ECHDC2: variants seen among roughly 807,000 people sequenced by gnomAD.
ECHDC2 encodes the protein enoyl-CoA hydratase domain-containing protein 2, mitochondrial.
Under a neutral mutation model 40.6 loss-of-function variants are expected in ECHDC2, and 34 were observed. That is an observed-to-expected ratio of 0.84 (90% CI 0.64 to 1.11). The LOEUF (loss-of-function observed/expected upper bound fraction) is 1.11. Among genes scored for constraint, ECHDC2 ranks in the 50% most tolerant of loss-of-function variants. The pLI, the probability that ECHDC2 is intolerant of heterozygous loss-of-function variation, is 0.00. For synonymous variants in ECHDC2, 162 were observed against 166.6 expected (o/e 0.97, Z 0.21); for missense variants, 392 against 400.7 (o/e 0.98, Z 0.19).
rs1316943526 is a variant in ECHDC2, at chr1:52,897,001, G to A, written c.802-404C>T. On this transcript the variant is annotated intron_variant, in intron 9 of 9. Coordinates refer to ENST00000371522, the MANE Select transcript of ECHDC2 (RefSeq NM_001198961.2). ...AGGAGTATTTTGGATATCTGTTAAC[G>A]TGGAGATTAGCATTTTTTACTCACC... 1.2e-4 allele frequency: 35 copies of A among 285,980 alleles called. No individual in the cohort carries two copies. In the Admixed American group the frequency reaches 1.4e-3, roughly 11 times the overall value. The allele number at this position is 285,980 out of a possible 1,614,324, so 17.7% of individuals were successfully genotyped here. A position where few individuals can be genotyped will look rare whatever the true frequency, so the allele number is the denominator to read the frequency against.
chr1:52,900,531 C>T (rs1646923620), intron 7 of ECHDC2: 1 of 152,086 alleles, frequency 6.6e-6, no homozygotes, highest in Admixed American at 6.5e-5. Flanking sequence ...ATTTCTTGTC[C>T]TCTAAGCCAT....
chr1:52,901,953 TATA>T (rs1206824612), intron 7 of ECHDC2: 1 of 151,952 alleles, frequency 6.6e-6, no homozygotes, highest in Non-Finnish European at 1.5e-5. Flanking sequence ...TCTAACCAAG[TATA>T]ATAGAAACTT....
At chr1:52,905,124 C>G (rs1647437847) in intron 5 of ECHDC2, 34 bp from the exon 6 acceptor site, 8 of 1,610,688 alleles carry the variant, frequency 5.0e-6, no homozygotes, top group Non-Finnish European at 5.9e-6. Context: ...GCCTCCCTCC[C>G]CCATCCGGTC....
intron 3 of ECHDC2, among the ~76,000 whole-genome samples, chr1:52,909,294 C>T (rs1648794587): frequency 6.6e-6 from 1 of 152,128 alleles, no homozygotes; most frequent in Non-Finnish European, 1.5e-5. Context: ...GATACAGTCC[C>T]TCCTTATCCG....
chr1:52,904,374 C>T (rs896422316), intron 7 of ECHDC2, among the ~76,000 whole-genome samples: 6 of 152,198 alleles, frequency 3.9e-5, no homozygotes, highest in African/African-American at 1.4e-4. Flanking sequence ...AAGTATAGAA[C>T]ATTTATCTCA....
chr1:52,907,638 C>A, intron 4 of ECHDC2: 1 of 493,024 alleles, frequency 2.0e-6, no homozygotes, highest in South Asian at 3.5e-5. Flanking sequence ...TTGGAATGGC[C>A]AGGCTTGAAC....
intron 7 of ECHDC2, chr1:52,900,391 G>A (rs796106566): frequency 1.5e-4 from 23 of 152,232 alleles, no homozygotes; most frequent in African/African-American, 5.5e-4. Context: ...TTTTATAAAC[G>A]AAGGTTTATA....
At position 52,904,742 on chromosome 1, in the gene ECHDC2, G is replaced by C. The variant is rs200285963; in HGVS notation, c.606C>G (p.His202Gln). 2 of 1,612,910 alleles carry C rather than the reference G, an allele frequency of 1.2e-6. No individual in the cohort carries two copies. The highest frequency in any genetic ancestry group is 2.2e-5 in the South Asian group (2 of 91,084). ...TGRRLSGTEA[H>Q]VLGLVNHAVA... ...CAGCGTGATTCACCAGCCCCAGTAC[G>C]TGGGCCTCAGTTCCACTCAGTCGTC... Residue 202 changes from histidine (H) to glutamine (Q), a missense_variant, in exon 7 of 10, where the codon CAC becomes CAG. Transcript: ENST00000371522.
At chr1:52,902,017 T>A (rs1170482347) in intron 7 of ECHDC2, 2 of 107,348 alleles carry the variant, frequency 1.9e-5, no homozygotes, top group Non-Finnish European at 3.8e-5. Flanking sequence ...CATTTATATA[T>A]GATGAAGCTT....
At chr1:52,897,685 AGAG>A in intron 8 of ECHDC2, 1 of 623,744 alleles carries the variant, frequency 1.6e-6, no homozygotes, top group South Asian at 1.8e-5. Context: ...ACATTTTGCC[AGAG>A]AAGAGGAGTT....
At position 52,920,597 on chromosome 1, in the gene ECHDC2, A is replaced by G. The variant is rs1454345487; in HGVS notation, c.121+956T>C. On this transcript the variant is annotated intron_variant, in intron 1 of 9. Transcript: ENST00000371522. The stretch of plus-strand genomic sequence containing the variant: ...GAATTAAGAAATCTGGCAAAAAGTA[A>G]GCTGTTCCCTGTGCCTAAGGAGATG... The G allele has an allele frequency of 6.2e-6, 7 of 1,136,460 alleles. No individual in the cohort carries two copies. The East Asian group carries it at 1.6e-4, about 27-fold the overall frequency. The allele number at this position is 1,136,460 out of a possible 1,614,324, so 70.4% of individuals were successfully genotyped here. A position where few individuals can be genotyped will look rare whatever the true frequency, so the allele number is the denominator to read the frequency against.
At chr1:52,905,328 A>C in intron 5 of ECHDC2, 1 of 560,210 alleles carries the variant, frequency 1.8e-6, no homozygotes, top group Non-Finnish European at 3.2e-6. Context: ...AGCAAGTCTC[A>C]CCCTTCCCAA....
At position 52,904,795 on chromosome 1, in the gene ECHDC2, G is replaced by A. The variant is rs1331117588; in HGVS notation, c.553C>T (p.Leu185=). 1.9e-6 allele frequency: 3 copies of A among 1,613,122 alleles called. No homozygotes were observed. Residue 185 remains leucine, a synonymous_variant, in exon 7 of 10, where the codon CTG becomes TTG. Transcript: ENST00000371522. Reference sequence around the variant, plus strand: ...CCCGTGAAGATGAGCTCCTTCGCCAGGGCCACCCCCAGACAACGGGGCAGC... The same window carrying A: ...CCCGTGAAGATGAGCTCCTTCGCCAAGGCCACCCCCAGACAACGGGGCAGC... The part of the protein sequence containing the change: ...QRLPRCLGVA[L]AKELIFTGRR...
At chr1:52,911,506 A>G in intron 3 of ECHDC2, 60 bp downstream of exon 3, 1 of 1,536,422 alleles carries the variant, frequency 6.5e-7, no homozygotes, top group Non-Finnish European at 9.0e-7. Flanking sequence ...GTTTCCCCCA[A>G]CCCCTGGAGG....
At chr1:52,921,487 C>G in intron 1 of ECHDC2, 66 bp downstream of exon 1, 4 of 1,536,082 alleles carry the variant, frequency 2.6e-6, no homozygotes, top group East Asian at 2.4e-5. Flanking sequence ...GCCCACCTGC[C>G]GGTCCCCCGC....
chr1:52,898,785 A>T (rs1646799288), intron 8 of ECHDC2: 1 of 317,042 alleles, frequency 3.2e-6, no homozygotes, highest in African/African-American at 2.2e-5. Flanking sequence ...GGACAGATGG[A>T]TTAGCCACAC....
intron 8 of ECHDC2, chr1:52,897,726 G>A (rs937708919): frequency 5.1e-6 from 3 of 585,252 alleles, no homozygotes; most frequent in Non-Finnish European, 9.2e-6. Context: ...GCCTCACCAC[G>A]CTTCCTGTCA....
At chr1:52,899,307 G>T in intron 7 of ECHDC2, 83 bp from the exon 8 acceptor site, 1 of 1,313,992 alleles carries the variant, frequency 7.6e-7, no homozygotes, top group Non-Finnish European at 1.1e-6. Flanking sequence ...TTGTTTTAAA[G>T]GAGGGAGGCA....
At chr1:52,897,333 T>G in intron 9 of ECHDC2, 104 bp downstream of exon 9, 2 of 1,157,638 alleles carry the variant, frequency 1.7e-6, no homozygotes, top group Middle Eastern at 2.0e-4. Context: ...GTCAGACTGT[T>G]TGTGTTGAGA....
Sources: allele counts gnomAD v4.1 joint callset (sites outside exome capture counted in the v4.1 genomes callset), GRCh38; gene constraint gnomAD v4.1.1; transcripts MANE v1.5; gene names NCBI Gene and HGNC (gene_info 2026-07-23, HGNC 2026-07-21).